IQCM: variants seen among roughly 807,000 people sequenced by gnomAD.
IQCM encodes IQ motif containing M.
Under a neutral mutation model 57.6 loss-of-function variants are expected in IQCM, and 45 were observed. That is an observed-to-expected ratio of 0.78 (90% CI 0.62 to 1.00). The LOEUF is 1.00. Ranked by LOEUF, IQCM falls within the 50% of genes least tolerant of loss-of-function variation. The pLI is 0.00. For synonymous variants in IQCM, 148 were observed against 158.9 expected (o/e 0.93, Z 0.51); for missense variants, 468 against 511.6 (o/e 0.91, Z 0.82).
chr4:149,657,506 TCTC>T (rs1293382331), intron 7 of IQCM, among the ~76,000 whole-genome samples: 1 of 152,102 alleles, frequency 6.6e-6, no homozygotes, highest in Non-Finnish European at 1.5e-5. Context: ...ACAGAATTCA[TCTC>T]CTGTGGATAC....
intron 13 of IQCM, among the ~76,000 whole-genome samples, chr4:149,361,963 T>C (rs1729523858): frequency 1.3e-5 from 2 of 152,124 alleles, no homozygotes; most frequent in African/African-American, 2.4e-5. Flanking sequence ...GGCTGTACCC[T>C]GTAAAACCAC....
intron 3 of IQCM, among the ~76,000 whole-genome samples, chr4:149,737,957 G>C (rs1561217944): frequency 6.6e-6 from 1 of 151,916 alleles, no homozygotes; most frequent in Non-Finnish European, 1.5e-5. Flanking sequence ...ACATTGTCAT[G>C]TGCATGACAC....
intron 13 of IQCM, among the ~76,000 whole-genome samples, chr4:149,370,083 G>A (rs554889407): frequency 6.6e-6 from 1 of 151,998 alleles, no homozygotes; most frequent in Non-Finnish European, 1.5e-5. Flanking sequence ...TTGTAGAGAG[G>A]GGGTTTCCCT....
intron 5 of IQCM, among the ~76,000 whole-genome samples, chr4:149,700,967 T>C (rs1561173593): frequency 6.6e-6 from 1 of 152,022 alleles, no homozygotes; most frequent in Non-Finnish European, 1.5e-5. Context: ...AGGGACACTG[T>C]AGTAGAATTC....
At chr4:149,808,874 T>C (rs543717580) in intron 2 of IQCM, among the ~76,000 whole-genome samples, 2 of 152,264 alleles carry the variant, frequency 1.3e-5, no homozygotes, top group South Asian at 4.1e-4. Flanking sequence ...TAGAAACAAA[T>C]TTGATGAGTT....
intron 10 of IQCM, among the ~76,000 whole-genome samples, chr4:149,559,793 C>A (rs1749943720): frequency 6.6e-6 from 1 of 152,186 alleles, no homozygotes; most frequent in Non-Finnish European, 1.5e-5. Flanking sequence ...AGTCCCCAAC[C>A]AACTGGTCTG....
chr4:149,438,942 G>C (rs541499555), intron 12 of IQCM, among the ~76,000 whole-genome samples: 19 of 152,092 alleles, frequency 1.2e-4, no homozygotes, highest in Non-Finnish European at 1.9e-4. Flanking sequence ...GAGTGAAAAT[G>C]TTCTCTAACC....
chr4:149,732,853 T>C (rs895816202), intron 5 of IQCM, among the ~76,000 whole-genome samples: 1 of 152,214 alleles, frequency 6.6e-6, no homozygotes, highest in Non-Finnish European at 1.5e-5. Flanking sequence ...AAAATCTTTT[T>C]AGTGTTTTGA....
chr4:149,757,500 T>C (rs1769091435), intron 2 of IQCM, among the ~76,000 whole-genome samples: 1 of 151,688 alleles, frequency 6.6e-6, no homozygotes, highest in Admixed American at 6.6e-5. Flanking sequence ...AGAAAATAAA[T>C]ACCAAGAAAT....
At chr4:149,510,891 G>C (rs1284684693) in intron 12 of IQCM, among the ~76,000 whole-genome samples, 4 of 152,046 alleles carry the variant, frequency 2.6e-5, no homozygotes, top group African/African-American at 9.7e-5. Flanking sequence ...ATTTAGCCAG[G>C]TTTCTCCATT....
chr4:149,426,032 C>T (rs1734438680), intron 13 of IQCM, among the ~76,000 whole-genome samples: 1 of 151,864 alleles, frequency 6.6e-6, no homozygotes, highest in Admixed American at 6.6e-5. Context: ...TCTTTATGCC[C>T]TGTTTCTTGA....
intron 2 of IQCM, among the ~76,000 whole-genome samples, chr4:149,777,780 G>A (rs2150001881): frequency 6.6e-6 from 1 of 152,294 alleles, no homozygotes; most frequent in South Asian, 2.1e-4. Context: ...AAAGTAAAGA[G>A]GAGGCGGCAC....
At chr4:149,661,289 GC>G (rs1760183564) in intron 7 of IQCM, among the ~76,000 whole-genome samples, 1 of 152,096 alleles carries the variant, frequency 6.6e-6, no homozygotes, top group Non-Finnish European at 1.5e-5. Flanking sequence ...AACTATCCTT[GC>G]ATGCCTGGGA....
intron 10 of IQCM, among the ~76,000 whole-genome samples, chr4:149,559,719 T>C (rs1749936588): frequency 6.6e-6 from 1 of 152,182 alleles, no homozygotes; most frequent in Non-Finnish European, 1.5e-5. Context: ...TAAATGAACA[T>C]AGGTCTCCAG....
intron 9 of IQCM, among the ~76,000 whole-genome samples, chr4:149,565,265 T>G (rs2149942799): frequency 6.6e-6 from 1 of 152,274 alleles, no homozygotes; most frequent in South Asian, 2.1e-4. Context: ...TTTGCATATT[T>G]TCTTAGTCTG....
chr4:149,533,165 G>A (rs1746921782), intron 12 of IQCM, among the ~76,000 whole-genome samples: 2 of 152,004 alleles, frequency 1.3e-5, no homozygotes, highest in South Asian at 4.1e-4. Context: ...AGAGGAATAG[G>A]AGCTGAAGTC....
At chr4:149,686,247 C>T (rs572272835) in intron 6 of IQCM, 131 bp downstream of exon 6, 11 of 411,858 alleles carry the variant, frequency 2.7e-5, no homozygotes, top group South Asian at 1.3e-4. Flanking sequence ...GGAACTCAAG[C>T]GGAACAATAA....
chr4:149,671,842 A>G (rs1206117182), intron 7 of IQCM, among the ~76,000 whole-genome samples: 2 of 152,160 alleles, frequency 1.3e-5, no homozygotes, highest in African/African-American at 4.8e-5. Flanking sequence ...GATCTGAGAG[A>G]CAGTTTGTTA....
intron 2 of IQCM, among the ~76,000 whole-genome samples, chr4:149,765,025 C>T (rs762849507): frequency 4.6e-5 from 7 of 151,926 alleles, no homozygotes; most frequent in Non-Finnish European, 8.8e-5. Context: ...GAGTTGACAG[C>T]GCTAGACATA....
Sources: gnomAD v4.1 joint callset for allele counts (sites outside exome capture counted in the v4.1 genomes callset) on GRCh38, gnomAD v4.1.1 for gene constraint, MANE v1.5 for transcripts, NCBI Gene and HGNC (gene_info 2026-07-23, HGNC 2026-07-21) for gene names.